The following GDI2 variants were observed in gnomAD, a reference collection of about 807,000 sequenced individuals.
GDI2 encodes rab GDP dissociation inhibitor beta.
Under a neutral mutation model 54.2 loss-of-function variants are expected in GDI2, and 22 were observed. The ratio of observed to expected loss-of-function variants is 0.41; its 90% confidence interval spans 0.29 to 0.58. The LOEUF is 0.58. GDI2 is among the 20% of genes least tolerant of loss of function. The pLI, the probability that GDI2 is intolerant of heterozygous loss-of-function variation, is 0.35. For missense variants in GDI2, 422 were observed against 546.0 expected, an observed-to-expected ratio of 0.77 and a Z score of 2.26; for synonymous variants, 177 against 182.1, an observed-to-expected ratio of 0.97 and a Z score of 0.23.
intron 6 of GDI2, among the ~76,000 whole-genome samples, chr10:5,777,229 T>C (rs893389003): frequency 2.6e-5 from 4 of 152,190 alleles, no homozygotes; most frequent in African/African-American, 7.2e-5. Context: ...TCCCAGCACT[T>C]TGAAAGGCCG....
At chr10:5,780,377 G>A (rs1411660138) in intron 6 of GDI2, among the ~76,000 whole-genome samples, 3 of 151,012 alleles carry the variant, frequency 2.0e-5, no homozygotes, top group Non-Finnish European at 4.4e-5. Flanking sequence ...AAGCAAGGAC[G>A]TCCATTCTCA....
intron 2 of GDI2, among the ~76,000 whole-genome samples, chr10:5,798,347 T>C (rs1334213308): frequency 6.6e-6 from 1 of 152,084 alleles, no homozygotes; most frequent in Non-Finnish European, 1.5e-5. Context: ...CAGCACTTTG[T>C]GAGGCCAAGG....
intron 1 of GDI2, among the ~76,000 whole-genome samples, chr10:5,802,054 T>A (rs994741075): frequency 9.9e-5 from 15 of 152,128 alleles, no homozygotes; most frequent in African/African-American, 3.4e-4. Context: ...CCTTCAATAG[T>A]CATCTTTTAA....
chr10:5,806,616 C>A (rs1348809023), intron 1 of GDI2, among the ~76,000 whole-genome samples: 5 of 151,874 alleles, frequency 3.3e-5, no homozygotes, highest in Non-Finnish European at 2.9e-5. Flanking sequence ...TTTTCACTTT[C>A]TTCATTATGT....
chr10:5,790,152 G>A (rs1462318952), intron 4 of GDI2, among the ~76,000 whole-genome samples: 4 of 152,172 alleles, frequency 2.6e-5, no homozygotes, highest in African/African-American at 7.2e-5. Context: ...TCCTTGAAAC[G>A]TACCAACTGA....
At chr10:5,769,649 T>C (rs1840440246) in intron 7 of GDI2, among the ~76,000 whole-genome samples, 1 of 151,808 alleles carries the variant, frequency 6.6e-6, no homozygotes, top group Admixed American at 6.6e-5. Flanking sequence ...AATAAGCACA[T>C]GCAAAGATGT....
Position 5,766,702 on chromosome 10 carries a change from G to GTC in GDI2, c.992-65_992-64insGA. The GTC allele has an allele frequency of 7.6e-7, 1 of 1,323,786 alleles. No individual in the cohort carries two copies. Among genetic ancestry groups the GTC allele is most frequent in the East Asian group, 2.3e-5 (1 of 43,490 alleles). The allele number at this position is 1,323,786 out of a possible 1,614,324, so 82.0% of individuals were successfully genotyped here. A position where few individuals can be genotyped will look rare whatever the true frequency, so the allele number is the denominator to read the frequency against. On this transcript the variant is annotated intron_variant, in intron 8 of 10. Coordinates refer to ENST00000380191, the MANE Select transcript of GDI2 (RefSeq NM_001494.4). This position sits in a 1 kb window ranked among gnomAD's most constrained non-coding sequence, Gnocchi z 5.8. ...TCCATCTGGGACCCAACATACTCAG[G>GTC]TATCACCCATATGTCATGAGGTGTG...
At chr10:5,807,748 A>G (rs1347673885) in intron 1 of GDI2, among the ~76,000 whole-genome samples, 1 of 152,214 alleles carries the variant, frequency 6.6e-6, no homozygotes, top group Non-Finnish European at 1.5e-5. Flanking sequence ...CATCAGCGAT[A>G]CTGACGTTCT....
chr10:5,799,414 G>A (rs1588985437), intron 2 of GDI2, among the ~76,000 whole-genome samples: 2 of 152,156 alleles, frequency 1.3e-5, no homozygotes, highest in African/African-American at 4.8e-5. Context: ...CAGTTTGGGA[G>A]GCCAAGGCAG....
At chr10:5,792,959 CAA>C (rs34475268) in intron 4 of GDI2, among the ~76,000 whole-genome samples, 162 of 91,980 alleles carry the variant, frequency 1.8e-3, no homozygotes, top group Middle Eastern at 6.8e-3. Context: ...GACCTTTGTC[CAA>C]AAAAAAAAAA....
At chr10:5,794,186 AAAATATATATATAT>A (rs1276575840) in intron 4 of GDI2, among the ~76,000 whole-genome samples, 178 of 46,642 alleles carry the variant, frequency 3.8e-3, no homozygotes, top group African/African-American at 0.013. Flanking sequence ...AAAAAAAAAA[AAAATATATATATAT>A]ATATATATAT....
rs189381381 is a variant in GDI2, at chr10:5,791,177, C to T, written c.388+3708G>A. Among the ~76,000 whole-genome samples the T allele has an allele frequency of 8.5e-5, 13 of 152,142 alleles. No individual in the cohort carries two copies. In the East Asian group the frequency reaches 2.5e-3, roughly 29 times the overall value. ...TTATAGGCATGTGTATCCCTATAGT[C>T]CCAGCTACTCAGGAGGCTAAGGCAG... On this transcript the variant is annotated intron_variant, in intron 4 of 10. Coordinates refer to ENST00000380191, the MANE Select transcript of GDI2 (RefSeq NM_001494.4).
At chr10:5,805,841 A>G (rs1341404772) in intron 1 of GDI2, among the ~76,000 whole-genome samples, 1 of 152,194 alleles carries the variant, frequency 6.6e-6, no homozygotes, top group Non-Finnish European at 1.5e-5. Context: ...AAACTTCCGC[A>G]TTTCTGGTAA....
chr10:5,794,492 C>T (rs1841104589), intron 4 of GDI2, among the ~76,000 whole-genome samples: 1 of 151,772 alleles, frequency 6.6e-6, no homozygotes, highest in African/African-American at 2.4e-5. Flanking sequence ...AAAATGGAGA[C>T]CCTATGTCAT....
Position 5,766,234 on chromosome 10 carries a change from T to A in GDI2, c.1191+7A>T, listed in dbSNP as rs750961722. On this transcript the variant is annotated splice_region_variant and intron_variant, in intron 10 of 10. Coordinates refer to ENST00000380191, the MANE Select transcript of GDI2 (RefSeq NM_001494.4). This position sits in a 1 kb window ranked among gnomAD's most constrained non-coding sequence, Gnocchi z 5.8. ...CTGCCCATATCCTTTCACACTTCCA[T>A]ACTCACCTGGCTTTCTGTTCCCAAG... 3 of 1,612,398 alleles carry A rather than the reference T, an allele frequency of 1.9e-6. No homozygotes were observed. Among genetic ancestry groups the A allele is most frequent in the Middle Eastern group, 1.6e-4 (1 of 6,082 alleles).
At chr10:5,799,610 C>G (rs1841222838) in intron 2 of GDI2, among the ~76,000 whole-genome samples, 1 of 152,218 alleles carries the variant, frequency 6.6e-6, no homozygotes. Context: ...CGAGACTGTG[C>G]CACTGCACTC....
chr10:5,799,252 G>A (rs555723129), intron 2 of GDI2, among the ~76,000 whole-genome samples: 1 of 152,258 alleles, frequency 6.6e-6, no homozygotes, highest in East Asian at 1.9e-4. Flanking sequence ...CAGGAGGATC[G>A]TTTGAGCCCA....
intron 6 of GDI2, among the ~76,000 whole-genome samples, chr10:5,783,458 T>A (rs1357313465): frequency 6.6e-6 from 1 of 152,186 alleles, no homozygotes; most frequent in African/African-American, 2.4e-5. Flanking sequence ...ACATTAGTAT[T>A]GAGATTTGAG....
Position 5,767,318 on chromosome 10 carries a change from G to GTTT in GDI2, c.992-683_992-681dup, listed in dbSNP as rs56770624. Reference sequence around the variant, plus strand: ...TTCTACAGATCATCTTTTGTGATTGGTTTTTTTTTGTGTTTTAACAGTCTG... The same window carrying GTTT: ...TTCTACAGATCATCTTTTGTGATTGGTTTTTTTTTTTTGTGTTTTAACAGTCTG... On this transcript the variant is annotated intron_variant, in intron 8 of 10. Transcript: ENST00000380191. Among the ~76,000 whole-genome samples, 120 of 150,916 alleles carry GTTT rather than the reference G, an allele frequency of 8.0e-4. 1 individual carries two copies. The highest frequency in any genetic ancestry group is 3.8e-3 in the South Asian group (18 of 4,766).
Sources: allele counts gnomAD v4.1 joint callset (sites outside exome capture counted in the v4.1 genomes callset), GRCh38; gene constraint gnomAD v4.1.1; non-coding constraint Gnocchi (gnomAD v3.1); transcripts MANE v1.5; gene names NCBI Gene and HGNC (gene_info 2026-07-23, HGNC 2026-07-21).